Variants in SLC1A1 observed in about 807,000 individuals in gnomAD.
SLC1A1 encodes excitatory amino acid transporter 3.
A neutral mutation model predicts 53.3 loss-of-function variants in SLC1A1; 43 were observed. That is an observed-to-expected ratio of 0.81 (90% CI 0.63 to 1.04). The LOEUF is 1.04. SLC1A1 is among the 50% of genes least tolerant of loss of function. The pLI, the probability that SLC1A1 is intolerant of heterozygous loss-of-function variation, is 0.00. For synonymous variants in SLC1A1, 307 were observed against 243.2 expected (o/e 1.26, Z -2.44); for missense variants, 748 against 664.9 (o/e 1.12, Z -1.37).
intron 1 of SLC1A1, among the ~76,000 whole-genome samples, chr9:4,494,971 C>T (rs546206621): frequency 2.6e-5 from 4 of 152,290 alleles, no homozygotes; most frequent in South Asian, 2.1e-4. Flanking sequence ...AGCTGGCAAG[C>T]TTATTCATTC....
At chr9:4,574,272 A>G (rs1185575395) in intron 8 of SLC1A1, among the ~76,000 whole-genome samples, 1 of 152,084 alleles carries the variant, frequency 6.6e-6, no homozygotes, top group Admixed American at 6.6e-5. Context: ...TTATGTTAAA[A>G]TAATTTTTTA....
chr9:4,495,823 G>A (rs1820394630), intron 1 of SLC1A1, among the ~76,000 whole-genome samples: 1 of 152,154 alleles, frequency 6.6e-6, no homozygotes, highest in African/African-American at 2.4e-5. Context: ...TGCAGGGCTT[G>A]GCTGGATTTG....
At chr9:4,521,807 A>T (rs936202940) in intron 1 of SLC1A1, among the ~76,000 whole-genome samples, 19 of 150,736 alleles carry the variant, frequency 1.3e-4, no homozygotes, top group African/African-American at 4.7e-4. Context: ...TAAGTGGGAG[A>T]GAAAGTCAGC....
At position 4,519,731 on chromosome 9, in the gene SLC1A1, C is replaced by T. The variant is rs981309195; in HGVS notation, c.92-24836C>T. On this transcript the variant is annotated intron_variant, in intron 1 of 11. Transcript: ENST00000262352. Reference sequence around the variant, plus strand: ...ACAGAGGCTTAGAGGGATTCAGTAACTTATGTAAGGTCACACTGCTAGTAA... The same window carrying T: ...ACAGAGGCTTAGAGGGATTCAGTAATTTATGTAAGGTCACACTGCTAGTAA... Among the ~76,000 whole-genome samples, 3 of 152,146 alleles carry T rather than the reference C, an allele frequency of 2.0e-5. No homozygotes were observed. The South Asian group carries it at 6.2e-4, about 32-fold the overall frequency.
chr9:4,551,298 C>T (rs905121249), intron 2 of SLC1A1, among the ~76,000 whole-genome samples: 2 of 152,044 alleles, frequency 1.3e-5, no homozygotes, highest in African/African-American at 2.4e-5. Context: ...ATGAAAAGAA[C>T]CATGCCACGT....
chr9:4,556,527 G>A lies in SLC1A1; in HGVS notation c.233-4922G>A, dbSNP rs368314206. On this transcript the variant is annotated intron_variant, in intron 2 of 11. Transcript: ENST00000262352. This position sits in a 1 kb window ranked among gnomAD's most constrained non-coding sequence, Gnocchi z 4.1. ...AAAGAGAGGGGGTCCTTCAGACCTC[G>A]CCAGCCACCAAAGATGGCCTGAGAG... Among the ~76,000 whole-genome samples, 6 of 152,222 alleles carry A rather than the reference G, an allele frequency of 3.9e-5. No individual in the cohort carries two copies. Among genetic ancestry groups the A allele is most frequent in the Middle Eastern group, 3.4e-3 (1 of 294 alleles).
rs114592299 is a variant in SLC1A1, at chr9:4,509,487, G to A, written c.91+18717G>A. On this transcript the variant is annotated intron_variant, in intron 1 of 11. Transcript: ENST00000262352. ...GGGTTTCCACAGTACAGTGAGGGCT[G>A]AGTTGTGGCAGGGAACCAAAAGGCA... is the stretch of plus-strand genomic sequence containing the variant. Among the ~76,000 whole-genome samples the A allele has an allele frequency of 3.1e-3, 465 of 151,526 alleles. 2 individuals carry two copies. The highest frequency in any genetic ancestry group is 0.011 in the African/African-American group (446 of 41,320).
At chr9:4,547,590 C>G (rs57267161) in intron 2 of SLC1A1, among the ~76,000 whole-genome samples, 4,677 of 152,240 alleles carry the variant, frequency 0.031, 236 homozygotes, top group African/African-American at 0.11. Context: ...TAAATTGGAA[C>G]AAACTTTCTG....
rs188576712 is a variant in SLC1A1, at chr9:4,575,040, G to T, written c.876-961G>T. Among the ~76,000 whole-genome samples, 134 of 152,316 alleles carry T rather than the reference G, an allele frequency of 8.8e-4. 1 individual carries two copies. Among genetic ancestry groups the T allele is most frequent in the African/African-American group, 3.1e-3 (130 of 41,570 alleles). On this transcript the variant is annotated intron_variant, in intron 8 of 11. Coordinates refer to ENST00000262352, the MANE Select transcript of SLC1A1 (RefSeq NM_004170.6). ...GGGATCGTGTCTCAGCAGTGACGTG[G>T]CTGGGGTGTATGAGCTGAGCCATTT... is the stretch of plus-strand genomic sequence containing the variant.
chr9:4,536,669 T>C (rs1173789858), intron 1 of SLC1A1, among the ~76,000 whole-genome samples: 1 of 152,316 alleles, frequency 6.6e-6, no homozygotes, highest in East Asian at 1.9e-4. Context: ...GAAATACCAT[T>C]TGACCTGGCA....
At chr9:4,521,897 T>A (rs982633491) in intron 1 of SLC1A1, among the ~76,000 whole-genome samples, 8 of 152,132 alleles carry the variant, frequency 5.3e-5, no homozygotes, top group Non-Finnish European at 1.2e-4. Flanking sequence ...TACCTTAGTG[T>A]CCAGTTGCTT....
chr9:4,503,915 G>T lies in SLC1A1; in HGVS notation c.91+13145G>T, dbSNP rs1820718008. ...TGATCCCCTAGAAGCCCACTCAGTT[G>T]TATGAGTTTTTGAGTGAAGACCATG... On this transcript the variant is annotated intron_variant, in intron 1 of 11. Transcript: ENST00000262352. Among the ~76,000 whole-genome samples the T allele has an allele frequency of 2.6e-5, 4 of 152,278 alleles. No homozygotes were observed. The South Asian group carries it at 8.3e-4, about 32-fold the overall frequency.
At chr9:4,531,963 A>C (rs10815010) in intron 1 of SLC1A1, among the ~76,000 whole-genome samples, 77,546 of 152,000 alleles carry the variant, frequency 0.51, 20,393 homozygotes, top group Admixed American at 0.53. Flanking sequence ...AGTGGACCTC[A>C]AGCAAACTCC....
chr9:4,508,868 G>A (rs1052891598), intron 1 of SLC1A1, among the ~76,000 whole-genome samples: 11 of 152,194 alleles, frequency 7.2e-5, no homozygotes, highest in African/African-American at 2.7e-4. Context: ...AGTGTGTCAA[G>A]CTTGATGCCG....
At chr9:4,561,299 G>A in intron 2 of SLC1A1, 150 bp from the exon 3 acceptor site, 2 of 706,428 alleles carry the variant, frequency 2.8e-6, no homozygotes, top group Non-Finnish European at 2.6e-6. Flanking sequence ...GAATTTTGAA[G>A]TGTTGCTTTT....
At chr9:4,519,028 C>T (rs1815966424) in intron 1 of SLC1A1, among the ~76,000 whole-genome samples, 1 of 152,136 alleles carries the variant, frequency 6.6e-6, no homozygotes, top group Non-Finnish European at 1.5e-5. Flanking sequence ...GGGTCTCCAA[C>T]CCCTTTCAGC....
chr9:4,552,472 G>A (rs1818015007), intron 2 of SLC1A1, among the ~76,000 whole-genome samples: 1 of 152,110 alleles, frequency 6.6e-6, no homozygotes, highest in African/African-American at 2.4e-5. Context: ...GTGCGATGCT[G>A]GAAACGTGGG....
At chr9:4,498,475 AG>A (rs1392191769) in intron 1 of SLC1A1, among the ~76,000 whole-genome samples, 1 of 152,214 alleles carries the variant, frequency 6.6e-6, no homozygotes, top group Non-Finnish European at 1.5e-5. Context: ...TGACAGGAAT[AG>A]CCTAGTTCCT....
At chr9:4,516,667 C>A (rs1031132310) in intron 1 of SLC1A1, among the ~76,000 whole-genome samples, 1 of 152,190 alleles carries the variant, frequency 6.6e-6, no homozygotes, top group Non-Finnish European at 1.5e-5. Context: ...ACATTTTAAC[C>A]AGGCTTTTCT....
Sources: allele counts gnomAD v4.1 joint callset (sites outside exome capture counted in the v4.1 genomes callset), GRCh38; gene constraint gnomAD v4.1.1; non-coding constraint Gnocchi (gnomAD v3.1); transcripts MANE v1.5; gene names NCBI Gene and HGNC (gene_info 2026-07-23, HGNC 2026-07-21).